The following LILRA6 variants were observed in gnomAD, a reference collection of about 807,000 sequenced individuals.
LILRA6 encodes the protein leukocyte immunoglobulin like receptor A6.
A neutral mutation model predicts 53.9 loss-of-function variants in LILRA6; 16 were observed. The ratio of observed to expected loss-of-function variants is 0.30; its 90% CI spans 0.20 to 0.45. The LOEUF is 0.45. Ranked by LOEUF, LILRA6 falls within the 20% of genes least tolerant of loss-of-function variation. LILRA6 has a pLI of 1.00. For synonymous variants in LILRA6, 135 were observed against 256.4 expected (o/e 0.53, Z 4.52); for missense variants, 306 against 618.6 (o/e 0.49, Z 5.36).
At position 54,239,454 on chromosome 19, in the gene LILRA6, T is replaced by A. The variant is rs2078688248; in HGVS notation, c.1310-365A>T. On this transcript the variant is annotated intron_variant, in intron 7 of 7. Transcript: ENST00000396365. ...TCCTGTGTTCTATGAATTTCAACGC[T>A]GCTCCTGAGCCATTTCCTCCCTCCC... The A allele has an allele frequency of 4.8e-6, 3 of 621,580 alleles. No homozygotes were observed. In the South Asian group the frequency reaches 6.7e-5, roughly 14 times the overall value. 38.5% of individuals were successfully genotyped at this position (621,580 alleles called of 1,614,324 possible). A position where few individuals can be genotyped will look rare whatever the true frequency, so the allele number is the denominator to read the frequency against.
exon 8 of LILRA6, chr19:54,239,009 G>A: frequency 9.3e-6 from 15 of 1,611,370 alleles, no homozygotes; most frequent in Non-Finnish European, 1.3e-5. Flanking sequence ...TCAAATAACA[G>A]AATCCCGAGG....
chr19:54,240,040 A>G (rs918630032), intron 6 of LILRA6, 89 bp from the exon 7 acceptor site: 9 of 1,485,156 alleles, frequency 6.1e-6, no homozygotes, highest in African/African-American at 4.2e-5. Context: ...CGCCCAGTGG[A>G]TTCCCTGGAA....
exon 6 of LILRA6, chr19:54,240,312 A>G (rs1467682275): frequency 3.7e-6 from 6 of 1,603,312 alleles, no homozygotes; most frequent in Non-Finnish European, 5.1e-6. Flanking sequence ...GGGGAAAGAC[A>G]GCAGGTGGGG....
rs576288387 is a variant in LILRA6, at chr19:54,241,679, G to A, written c.555C>T (p.Pro185=). 6.2e-5 allele frequency: 94 copies of A among 1,509,942 alleles called. 8 individuals are homozygous for A. The Admixed American group carries it at 1.2e-3, about 19-fold the overall frequency. 93.5% of individuals were successfully genotyped at this position (1,509,942 alleles called of 1,614,324 possible). Residue 185 remains proline (P), a synonymous_variant, in exon 4 of 8, where the codon CCC becomes CCT. Transcript: ENST00000396365. ...ACCTCCACCTGTGGCTGGGGTTCAC[G>A]GGGCCCACAGGGAACAGGGCCTGGA...
At position 54,239,869 on chromosome 19, in the gene LILRA6, G is replaced by A. The variant is rs867356450; in HGVS notation, c.1309+32C>T. ...GGAGACTCAGACTGCCCTGGGGGAG[G>A]CGGCGCTCCCCACGAGGCCTCAGTG... On this transcript the variant is annotated intron_variant, in intron 7 of 7. Transcript: ENST00000396365. The A allele has an allele frequency of 5.2e-6, 8 of 1,551,816 alleles. No homozygotes were observed. The Middle Eastern group carries it at 5.0e-4, about 97-fold the overall frequency.
In LILRA6 at chr19:54,242,024, A is replaced by C; in HGVS notation, c.355+2T>G. On this transcript the variant is annotated splice_donor_variant, in intron 3 of 7. Coordinates refer to ENST00000396365, the Ensembl canonical transcript of LILRA6. LOFTEE classifies it high-confidence loss of function. ...GGCTGGGACCCCAGAGTGTCCTCTC[A>C]CCTGTCATCACCAGCTCCAGGGGGT... 7.1e-7 allele frequency: 1 copy of C among 1,411,954 alleles called. No homozygotes were observed. Among genetic ancestry groups the C allele is most frequent in the Non-Finnish European group, 9.6e-7 (1 of 1,040,010 alleles). The allele number at this position is 1,411,954 out of a possible 1,614,324, so 87.5% of individuals were successfully genotyped here. A position where few individuals can be genotyped will look rare whatever the true frequency, so the allele number is the denominator to read the frequency against.
exon 6 of LILRA6, chr19:54,240,296 C>T (rs750114909): frequency 1.2e-6 from 2 of 1,602,894 alleles, no homozygotes; most frequent in Non-Finnish European, 1.7e-6. Context: ...GTTCCAGGGG[C>T]TCACTGGGGA....
chr19:54,237,458 A>G (rs2078653536), downstream of LILRA6: 1 of 150,956 alleles, frequency 6.6e-6, no homozygotes, highest in Non-Finnish European at 1.5e-5. Flanking sequence ...AGATTACCAC[A>G]TGCTCCCAAG....
At chr19:54,240,218 G>T (rs534353175) in intron 6 of LILRA6, 56 bp downstream of exon 6, 109 of 1,593,024 alleles carry the variant, frequency 6.8e-5, no homozygotes, top group Admixed American at 1.5e-4. Context: ...CTCTCCTGGG[G>T]GCCTGGGCCT....
downstream of LILRA6, chr19:54,237,005 C>G (rs2078649005): frequency 6.6e-6 from 1 of 150,692 alleles, no homozygotes; most frequent in Non-Finnish European, 1.5e-5. Context: ...CCATAGTTAG[C>G]AACAGATTAT....
chr19:54,239,016 G>C, exon 8 of LILRA6: 1 of 1,611,370 alleles, frequency 6.2e-7, no homozygotes, highest in Non-Finnish European at 8.5e-7. Flanking sequence ...ACAGAATCCC[G>C]AGGAACACCA....
downstream of LILRA6, chr19:54,237,664 T>C (rs2078655445): frequency 6.6e-6 from 1 of 150,954 alleles, no homozygotes; most frequent in Admixed American, 6.6e-5. Context: ...TCTATTTCCT[T>C]TATTTATGGG....
intron 4 of LILRA6, 187 bp downstream of exon 4, chr19:54,241,389 G>A (rs78588963): frequency 1.0e-6 from 1 of 959,948 alleles, no homozygotes; most frequent in Admixed American, 3.2e-5. Flanking sequence ...AGTCCTCCCC[G>A]TTCAGGTGAG....
exon 5 of LILRA6, chr19:54,240,951 C>T (rs773861594): frequency 6.2e-7 from 1 of 1,613,920 alleles, no homozygotes; most frequent in East Asian, 2.2e-5. Flanking sequence ...GTGAAGTTGG[C>T]CTGGGAGAGC....
chr19:54,238,770 C>T (rs1191970903), exon 8 of LILRA6: 3 of 1,089,732 alleles, frequency 2.8e-6, no homozygotes, highest in South Asian at 1.8e-5. Flanking sequence ...GCATTCACAA[C>T]ATAGATTGGA....
chr19:54,239,051 G>C, exon 8 of LILRA6: 1 of 1,611,432 alleles, frequency 6.2e-7, no homozygotes, highest in Non-Finnish European at 8.5e-7. Context: ...ATGCCCATGC[G>C]GATGAGATTC....
chr19:54,239,212 C>T (rs918651343), intron 7 of LILRA6, 123 bp from the exon 8 acceptor site: 13 of 1,558,436 alleles, frequency 8.3e-6, no homozygotes, highest in Admixed American at 7.9e-5. Flanking sequence ...TCTGTGCCCG[C>T]CCCATAACTG....
rs148424804 is a variant in LILRA6, at chr19:54,239,089, G to A, written c.1310C>T (p.Ala437Val). The stretch of plus-strand genomic sequence containing the variant: ...CACTGTGTAATCCTTGGCGTGTGAG[G>A]CTGGGGATGGTGGGCAAAGAGGTCA... The change falls in exon 8 of 8, where the codon GCC becomes GTC. Residue 437 changes from alanine to valine, a missense_variant and splice_region_variant. Coordinates refer to ENST00000396365, the Ensembl canonical transcript of LILRA6. 7.5e-5 allele frequency: 121 copies of A among 1,611,148 alleles called. 7 individuals are homozygous for A. The Middle Eastern group carries it at 8.3e-4, about 11-fold the overall frequency.
At chr19:54,240,382 T>G (rs762991196) in exon 6 of LILRA6, 1 of 1,607,990 alleles carries the variant, frequency 6.2e-7, no homozygotes. Flanking sequence ...GTCACAGGAC[T>G]CATGGGGAAT....
Sources: allele counts gnomAD v4.1 joint callset, GRCh38; gene constraint gnomAD v4.1.1; transcripts MANE v1.5; gene names NCBI Gene and HGNC (gene_info 2026-07-23, HGNC 2026-07-21).